Variants in TRAPPC9 observed in about 807,000 individuals in gnomAD.
TRAPPC9 encodes IKK2 binding protein.
Under a neutral mutation model 124.0 loss-of-function variants are expected in TRAPPC9, and 83 were observed. That is an observed-to-expected ratio of 0.67 (90% CI 0.56 to 0.80). The LOEUF (loss-of-function observed/expected upper bound fraction) is 0.80. Ranked by LOEUF, TRAPPC9 falls within the 30% of genes least tolerant of loss-of-function variation. The pLI, the probability that TRAPPC9 is intolerant of heterozygous loss-of-function variation, is 0.00. For missense variants in TRAPPC9, 1,302 were observed against 1,508.3 expected, an observed-to-expected ratio of 0.86 and a Z score of 2.27; for synonymous variants, 638 against 617.5, an observed-to-expected ratio of 1.03 and a Z score of -0.49.
At chr8:139,815,270 C>T (rs1243498508) in intron 21 of TRAPPC9, among the ~76,000 whole-genome samples, 1 of 152,196 alleles carries the variant, frequency 6.6e-6, no homozygotes, top group African/African-American at 2.4e-5. Flanking sequence ...TGCGTGTCAT[C>T]CTCTCTTACT....
intron 17 of TRAPPC9, among the ~76,000 whole-genome samples, chr8:140,184,936 C>T (rs1477064401): frequency 6.6e-6 from 1 of 152,056 alleles, no homozygotes; most frequent in East Asian, 1.9e-4. Flanking sequence ...ACTGCTAACA[C>T]AACATTTTAG....
At chr8:139,891,500 G>A (rs898552051) in intron 20 of TRAPPC9, among the ~76,000 whole-genome samples, 5 of 152,214 alleles carry the variant, frequency 3.3e-5, no homozygotes, top group African/African-American at 9.6e-5. Context: ...CCTCATGCAC[G>A]TGCTCATCCA....
At chr8:139,902,905 T>G (rs577664374) in intron 20 of TRAPPC9, among the ~76,000 whole-genome samples, 25 of 152,258 alleles carry the variant, frequency 1.6e-4, no homozygotes, top group African/African-American at 6.0e-4. Context: ...CCAGGTGAGA[T>G]CACCCAAACA....
At chr8:140,301,070 G>T (rs2065963928) in intron 10 of TRAPPC9, among the ~76,000 whole-genome samples, 1 of 152,198 alleles carries the variant, frequency 6.6e-6, no homozygotes, top group Non-Finnish European at 1.5e-5. Flanking sequence ...CCACTGCCTG[G>T]CCCAGGATGG....
At chr8:140,248,757 T>C (rs192441353) in intron 16 of TRAPPC9, among the ~76,000 whole-genome samples, 155 of 152,320 alleles carry the variant, frequency 1.0e-3, no homozygotes, top group Non-Finnish European at 1.6e-3. Flanking sequence ...TATACTATTT[T>C]GTGGGTGAAA....
In TRAPPC9 at chr8:139,907,182, C is replaced by T. The variant is rs978642997; in HGVS notation, c.2964+2965G>A. ...AGGTGAAGAGTGGGGTGAGAGCTCC[C>T]GGCAGCCCTGGGCTGCCCATCGTGT... On this transcript the variant is annotated intron_variant, in intron 20 of 22. Coordinates refer to ENST00000438773, the MANE Select transcript of TRAPPC9 (RefSeq NM_001160372.4). The surrounding 1 kb of genome is among the most constrained non-coding windows in gnomAD (Gnocchi z 4.7). Among the ~76,000 whole-genome samples the T allele has an allele frequency of 6.6e-6, 1 of 152,064 alleles. No individual in the cohort carries two copies. The highest frequency in any genetic ancestry group is 1.5e-5 in the Non-Finnish European group (1 of 68,012).
At chr8:140,039,242 C>CGT (rs1841110516) in intron 17 of TRAPPC9, among the ~76,000 whole-genome samples, 1 of 152,184 alleles carries the variant, frequency 6.6e-6, no homozygotes, top group Non-Finnish European at 1.5e-5. Flanking sequence ...GGACTATAAA[C>CGT]GTGAAGTTCA....
chr8:140,157,960 G>A (rs1010084886), intron 17 of TRAPPC9, among the ~76,000 whole-genome samples: 1 of 152,108 alleles, frequency 6.6e-6, no homozygotes, highest in Non-Finnish European at 1.5e-5. Context: ...ATTTTTCTAT[G>A]TTAATAGTCT....
chr8:139,872,458 G>A (rs1829003861), intron 21 of TRAPPC9, among the ~76,000 whole-genome samples: 1 of 143,284 alleles, frequency 7.0e-6, no homozygotes, highest in Admixed American at 7.2e-5. Flanking sequence ...GTAGACGGTT[G>A]CATAAGTGGA....
At chr8:140,395,691 T>C (rs1313084909) in intron 7 of TRAPPC9, among the ~76,000 whole-genome samples, 2 of 152,152 alleles carry the variant, frequency 1.3e-5, no homozygotes, top group African/African-American at 2.4e-5. Flanking sequence ...AGCATGAGTG[T>C]CTTATTATTA....
At chr8:140,178,565 C>A (rs1049973707) in intron 17 of TRAPPC9, among the ~76,000 whole-genome samples, 6 of 152,002 alleles carry the variant, frequency 3.9e-5, no homozygotes, top group Admixed American at 2.6e-4. Context: ...CATACATGCT[C>A]AAGATGGACA....
At chr8:140,324,216 T>C (rs1318547048) in intron 9 of TRAPPC9, among the ~76,000 whole-genome samples, 1 of 152,214 alleles carries the variant, frequency 6.6e-6, no homozygotes, top group African/African-American at 2.4e-5. Context: ...GGAAAAGATA[T>C]ACCACACGAA....
intron 9 of TRAPPC9, among the ~76,000 whole-genome samples, chr8:140,319,360 G>C (rs935229927): frequency 5.3e-5 from 8 of 151,842 alleles, no homozygotes; most frequent in African/African-American, 1.9e-4. Context: ...TGTATTTTTA[G>C]TAGAGACGGG....
At chr8:140,156,975 GCCTCCCTTTCCA>G (rs2061646517) in intron 17 of TRAPPC9, among the ~76,000 whole-genome samples, 1 of 123,954 alleles carries the variant, frequency 8.1e-6, no homozygotes, top group African/African-American at 3.0e-5. Flanking sequence ...CCATTCAAAA[GCCTCCCTTTCCA>G]TTCAAAAGCC....
chr8:139,755,573 A>T (rs376278370), intron 21 of TRAPPC9, among the ~76,000 whole-genome samples: 592 of 28,898 alleles, frequency 0.02, no homozygotes, highest in African/African-American at 0.047. Context: ...GGAGCCAGGG[A>T]TGGGGTATAA....
At chr8:140,285,938 C>A (rs2065470981) in intron 13 of TRAPPC9, among the ~76,000 whole-genome samples, 1 of 152,234 alleles carries the variant, frequency 6.6e-6, no homozygotes, top group Non-Finnish European at 1.5e-5. Context: ...CTCTTCCAGG[C>A]AACAAACACA....
intron 7 of TRAPPC9, among the ~76,000 whole-genome samples, chr8:140,388,622 G>T (rs1283875938): frequency 1.3e-5 from 2 of 152,166 alleles, no homozygotes; most frequent in East Asian, 3.9e-4. Context: ...GGCAGAGGCT[G>T]TGGTGAGCTG....
chr8:140,177,353 A>G (rs749199759), intron 17 of TRAPPC9, among the ~76,000 whole-genome samples: 11 of 152,154 alleles, frequency 7.2e-5, no homozygotes, highest in Non-Finnish European at 1.2e-4. Context: ...AATTTTTGGC[A>G]TATAAATAAT....
At chr8:140,169,164 G>GT (rs555576973) in intron 17 of TRAPPC9, among the ~76,000 whole-genome samples, 1 of 151,042 alleles carries the variant, frequency 6.6e-6, no homozygotes, top group African/African-American at 2.5e-5. Context: ...ATTGCTATTA[G>GT]TTTTTTACAG....
Sources: allele counts gnomAD v4.1 joint callset (sites outside exome capture counted in the v4.1 genomes callset), GRCh38; gene constraint gnomAD v4.1.1; non-coding constraint Gnocchi (gnomAD v3.1); transcripts MANE v1.5; gene names NCBI Gene and HGNC (gene_info 2026-07-23, HGNC 2026-07-21).